The following SH3YL1 variants were observed in gnomAD, a reference collection of about 807,000 sequenced individuals.
The protein encoded by SH3YL1 is SH3 and SYLF domain containing 1.
SH3YL1 carries 41 observed loss-of-function variants against 45.8 expected under a neutral mutation model. The observed-to-expected ratio is 0.89, with a 90% CI of 0.70 to 1.16. SH3YL1 has a LOEUF of 1.16. Ranked by LOEUF, SH3YL1 falls within the 50% of genes most tolerant of loss-of-function variation. The pLI is 0.00. For synonymous variants in SH3YL1, 152 were observed against 151.4 expected (o/e 1.00, Z -0.03); for missense variants, 389 against 409.6 (o/e 0.95, Z 0.43).
rs143755965 is a variant in SH3YL1, at chr2:257,820, G to GT, written c.2-4706dup. Among the ~76,000 whole-genome samples the GT allele has an allele frequency of 5.6e-3, 849 of 152,214 alleles. 9 individuals carry two copies. The highest frequency in any genetic ancestry group is 0.019 in the African/African-American group (791 of 41,536). On this transcript the variant is annotated intron_variant, in intron 1 of 9. Coordinates refer to ENST00000356150, the MANE Select transcript of SH3YL1 (RefSeq NM_015677.4). ...TCAAGTCTTTAATCCATCTTGAATT[G>GT]TTTTTTTGCATATGGTATAAGGAAG...
At chr2:242,946 CAAAGAG>C in intron 4 of SH3YL1, 1 of 912,888 alleles carries the variant, frequency 1.1e-6, no homozygotes, top group Non-Finnish European at 1.5e-6. Flanking sequence ...GTCAATCAAC[CAAAGAG>C]ATATAACAAT....
intron 3 of SH3YL1, 43 bp from the exon 4 acceptor site, chr2:247,645 C>G: frequency 6.9e-7 from 1 of 1,453,870 alleles, no homozygotes; most frequent in Non-Finnish European, 9.4e-7. Context: ...ATTAAAACAC[C>G]CTCGACATGT....
chr2:227,947 A>C (rs1431724768), intron 8 of SH3YL1, among the ~76,000 whole-genome samples: 1 of 152,188 alleles, frequency 6.6e-6, no homozygotes, highest in Non-Finnish European at 1.5e-5. Flanking sequence ...CTTAGTTTTT[A>C]AATAAAGAAC....
At chr2:242,102 T>G (rs559100010) in intron 4 of SH3YL1, 1 of 152,172 alleles carries the variant, frequency 6.6e-6, no homozygotes, top group Non-Finnish European at 1.5e-5. Context: ...TATTATATAC[T>G]AGACAATAAC....
At chr2:259,661 G>C (rs1248708223) in intron 1 of SH3YL1, 1 of 151,486 alleles carries the variant, frequency 6.6e-6, no homozygotes, top group Non-Finnish European at 1.5e-5. Context: ...TGCAAATATA[G>C]GAGAAAAATC....
chr2:256,487 T>C (rs1171933373), intron 1 of SH3YL1: 1 of 151,324 alleles, frequency 6.6e-6, no homozygotes, highest in East Asian at 1.9e-4. Flanking sequence ...AGGTCAGGAG[T>C]TCAAGACCAG....
intron 4 of SH3YL1, among the ~76,000 whole-genome samples, chr2:246,216 GA>G (rs988943690): frequency 2.6e-5 from 4 of 150,996 alleles, no homozygotes; most frequent in East Asian, 1.9e-4. Context: ...AGAGAAAAAA[GA>G]AAAAAAATAC....
chr2:244,344 A>G (rs1358758208), intron 4 of SH3YL1, among the ~76,000 whole-genome samples: 1 of 151,988 alleles, frequency 6.6e-6, no homozygotes, highest in African/African-American at 2.4e-5. Flanking sequence ...AAAATACAAA[A>G]AATTAGCCGA....
chr2:263,890 G>C, intron 1 of SH3YL1, 94 bp downstream of exon 1: 1 of 1,062,672 alleles, frequency 9.4e-7, no homozygotes, highest in Non-Finnish European at 1.4e-6. Context: ...AAACCCCAGA[G>C]GCATCGCCGG....
chr2:250,826 T>G (rs1669040227), intron 2 of SH3YL1, among the ~76,000 whole-genome samples: 1 of 152,204 alleles, frequency 6.6e-6, no homozygotes, highest in Non-Finnish European at 1.5e-5. Context: ...ATGCAGAACA[T>G]TTGTGGAGCT....
At chr2:254,835 CTGT>C (rs965716716) in intron 1 of SH3YL1, among the ~76,000 whole-genome samples, 6 of 152,170 alleles carry the variant, frequency 3.9e-5, no homozygotes, top group African/African-American at 1.4e-4. Flanking sequence ...TTCCTTTGCC[CTGT>C]TGTTTCACTA....
rs1667450551 is a variant in SH3YL1, at chr2:218,651, G to A, written c.*160C>T. The A allele has an allele frequency of 1.2e-5, 7 of 601,236 alleles. No homozygotes were observed. The South Asian group carries it at 1.5e-4, about 13-fold the overall frequency. The allele number at this position is 601,236 out of a possible 1,614,324, so 37.2% of individuals were successfully genotyped here. A position where few individuals can be genotyped will look rare whatever the true frequency, so the allele number is the denominator to read the frequency against. On this transcript the variant is annotated 3_prime_UTR_variant, in exon 10 of 10. Transcript: ENST00000356150. ...AAAGTATTTAAAGATATGTCAGTCA[G>A]CTCTTTTTATATAGAAAAACAAAAT...
chr2:238,317 C>T (rs1318884949), intron 4 of SH3YL1, among the ~76,000 whole-genome samples: 1 of 149,970 alleles, frequency 6.7e-6, no homozygotes, highest in East Asian at 2.0e-4. Context: ...TGGCCAGTCT[C>T]AATATGTAAA....
intron 4 of SH3YL1, chr2:240,068 A>G (rs1467455613): frequency 1.3e-5 from 2 of 152,326 alleles, no homozygotes; most frequent in Non-Finnish European, 2.9e-5. Context: ...CTCCTTGTAC[A>G]GAAGCTCCAT....
chr2:264,158 C>T, upstream of SH3YL1: 1 of 960,010 alleles, frequency 1.0e-6, no homozygotes, highest in Non-Finnish European at 1.4e-6. Context: ...CACGCGCCCG[C>T]CGGGCCGCGC....
At chr2:242,923 T>A (rs1668609939) in intron 4 of SH3YL1, 1 of 1,168,344 alleles carries the variant, frequency 8.6e-7, no homozygotes, top group Non-Finnish European at 1.1e-6. Context: ...GGACATATTA[T>A]AATGATAAAA....
chr2:233,092 T>G lies in SH3YL1; in HGVS notation c.533+9A>C. 1 of 1,550,370 alleles carries G rather than the reference T, an allele frequency of 6.5e-7. No homozygotes were observed. The highest frequency in any genetic ancestry group is 8.7e-7 in the Non-Finnish European group (1 of 1,147,034). ...ACTTTCAATTAAAATCACTTTAACT[T>G]GAACTGACTTTCTATTAGTTTCTTT... On this transcript the variant is annotated intron_variant, in intron 6 of 9. Transcript: ENST00000356150.
At chr2:239,168 C>T (rs1335385726) in intron 4 of SH3YL1, among the ~76,000 whole-genome samples, 1 of 152,158 alleles carries the variant, frequency 6.6e-6, no homozygotes, top group African/African-American at 2.4e-5. Context: ...AGAGAACTGA[C>T]CTTAAGAACA....
intron 9 of SH3YL1, among the ~76,000 whole-genome samples, chr2:224,593 C>T (rs779124350): frequency 1.9e-4 from 29 of 152,190 alleles, no homozygotes; most frequent in African/African-American, 6.8e-4. Flanking sequence ...AGCTCCTATC[C>T]GGGGCTTAGC....
Sources: gnomAD v4.1 joint callset for allele counts (sites outside exome capture counted in the v4.1 genomes callset) on GRCh38, gnomAD v4.1.1 for gene constraint, MANE v1.5 for transcripts, NCBI Gene and HGNC (gene_info 2026-07-23, HGNC 2026-07-21) for gene names.